Variants in ANAPC10 observed in about 807,000 individuals in gnomAD.
ANAPC10 encodes the protein anaphase-promoting complex subunit 10.
ANAPC10 carries 12 observed loss-of-function variants against 22.0 expected under a neutral mutation model. The ratio of observed to expected loss-of-function variants is 0.55; its 90% CI spans 0.35 to 0.88. The LOEUF (loss-of-function observed/expected upper bound fraction) is 0.88. Among genes scored for constraint, ANAPC10 ranks in the 40% least tolerant of loss-of-function variants. ANAPC10 has a pLI of 0.01. For missense variants in ANAPC10, 188 were observed against 220.9 expected (o/e 0.85, Z 0.94); for synonymous variants, 65 against 69.5 (o/e 0.94, Z 0.32).
chr4:145,009,342 C>A (rs926610324), intron 4 of ANAPC10, among the ~76,000 whole-genome samples: 1 of 152,086 alleles, frequency 6.6e-6, no homozygotes, highest in South Asian at 2.1e-4. Context: ...CTTTAAAGTT[C>A]ATATGGAACC....
intron 4 of ANAPC10, among the ~76,000 whole-genome samples, chr4:145,050,965 G>A (rs1741018413): frequency 6.6e-6 from 1 of 152,164 alleles, no homozygotes; most frequent in Non-Finnish European, 1.5e-5. Flanking sequence ...ATTTCCGTCA[G>A]GAACTTTTCC....
intron 4 of ANAPC10, among the ~76,000 whole-genome samples, chr4:144,998,879 TAAA>T (rs928496512): frequency 1.3e-5 from 2 of 151,522 alleles, no homozygotes; most frequent in African/African-American, 4.9e-5. Flanking sequence ...GCAACACTAA[TAAA>T]GAAGAAAAGA....
chr4:145,026,798 C>A (rs1411482037), intron 4 of ANAPC10, among the ~76,000 whole-genome samples: 1 of 149,576 alleles, frequency 6.7e-6, no homozygotes, highest in African/African-American at 2.5e-5. Context: ...CATTAATATC[C>A]TCAGTGATAT....
chr4:145,071,649 T>C (rs980176668), intron 3 of ANAPC10, among the ~76,000 whole-genome samples: 2 of 152,144 alleles, frequency 1.3e-5, no homozygotes, highest in Non-Finnish European at 2.9e-5. Flanking sequence ...AAAGGGAACT[T>C]TATAACCTGA....
intron 4 of ANAPC10, among the ~76,000 whole-genome samples, chr4:145,051,492 T>C (rs1290695043): frequency 6.6e-6 from 1 of 152,304 alleles, no homozygotes; most frequent in South Asian, 2.1e-4. Context: ...GCCAATAGAC[T>C]TCCTTGACAC....
At chr4:145,019,651 A>T (rs1735696423) in intron 4 of ANAPC10, among the ~76,000 whole-genome samples, 1 of 152,190 alleles carries the variant, frequency 6.6e-6, no homozygotes, top group Non-Finnish European at 1.5e-5. Context: ...TGAAACAAAA[A>T]GCTGCTTGTT....
At chr4:145,016,106 G>A (rs1735084476) in intron 4 of ANAPC10, among the ~76,000 whole-genome samples, 1 of 152,148 alleles carries the variant, frequency 6.6e-6, no homozygotes, top group Admixed American at 6.5e-5. Flanking sequence ...CATAGTGTTG[G>A]AAGTTCTGGC....
chr4:145,001,624 A>T (rs918432322), intron 4 of ANAPC10, among the ~76,000 whole-genome samples: 10 of 152,200 alleles, frequency 6.6e-5, no homozygotes, highest in African/African-American at 2.4e-4. Flanking sequence ...CTGCCAACCC[A>T]AAGACTGCCA....
chr4:145,014,542 G>A (rs548118656), intron 4 of ANAPC10, among the ~76,000 whole-genome samples: 3 of 152,066 alleles, frequency 2.0e-5, no homozygotes, highest in African/African-American at 4.8e-5. Context: ...TCTCTTGGGA[G>A]TTCTAGGCCC....
At chr4:145,065,513 A>G (rs1743547650) in intron 3 of ANAPC10, among the ~76,000 whole-genome samples, 1 of 152,054 alleles carries the variant, frequency 6.6e-6, no homozygotes, top group Non-Finnish European at 1.5e-5. Context: ...AGAATGCATT[A>G]AAATACAGTA....
chr4:145,002,588 C>G (rs1013666414), intron 4 of ANAPC10, among the ~76,000 whole-genome samples: 1 of 152,058 alleles, frequency 6.6e-6, no homozygotes, highest in Non-Finnish European at 1.5e-5. Context: ...AAAAGAACAA[C>G]TAGATAGAGT....
At chr4:145,076,455 A>G (rs1222911491) in intron 3 of ANAPC10, among the ~76,000 whole-genome samples, 1 of 152,234 alleles carries the variant, frequency 6.6e-6, no homozygotes, top group East Asian at 1.9e-4. Flanking sequence ...TCTAAAGGAC[A>G]GCAACTTCAA....
At chr4:145,032,274 C>G (rs779218054) in intron 4 of ANAPC10, among the ~76,000 whole-genome samples, 1 of 152,212 alleles carries the variant, frequency 6.6e-6, no homozygotes, top group East Asian at 1.9e-4. Context: ...GGCAGAACTT[C>G]GAGCAGTGCA....
chr4:145,097,436 T>TA, intron 1 of ANAPC10: 2 of 1,254,790 alleles, frequency 1.6e-6, no homozygotes, highest in African/African-American at 3.1e-5. Context: ...GTAGCGCAGT[T>TA]ACTGCTACTG....
chr4:145,036,766 C>CA (rs1471743416), intron 4 of ANAPC10, among the ~76,000 whole-genome samples: 1 of 151,652 alleles, frequency 6.6e-6, no homozygotes, highest in Non-Finnish European at 1.5e-5. Context: ...GTTAGCAAAA[C>CA]AAAAAAAGAA....
Position 145,058,418 on chromosome 4 carries a change from T to TATTGTGTTTTTAAACACAATATTCC in ANAPC10, c.327+6153_327+6154insGGAATATTGTGTTTAAAAACACAAT, listed in dbSNP as rs35182592. ...CTGGGCTTTAAAAACCACAAAACAA[T>TATTGTGTTTTTAAACACAATATTCC]ATTGTGTTCCCATAGCCACCTCCAG... On this transcript the variant is annotated intron_variant, in intron 4 of 4. Transcript: ENST00000507656. Among the ~76,000 whole-genome samples the TATTGTGTTTTTAAACACAATATTCC allele has an allele frequency of 4.4e-3, 665 of 152,238 alleles. 3 individuals are homozygous for TATTGTGTTTTTAAACACAATATTCC. The highest frequency in any genetic ancestry group is 0.015 in the African/African-American group (611 of 41,552).
chr4:145,044,120 T>C (rs1254418896), intron 4 of ANAPC10, among the ~76,000 whole-genome samples: 1 of 151,982 alleles, frequency 6.6e-6, no homozygotes, highest in Non-Finnish European at 1.5e-5. Flanking sequence ...AAACAAAAAA[T>C]AGATTCAAGG....
At chr4:145,034,523 T>TTATATATATATATATATATATATATATA (rs370113295) in intron 4 of ANAPC10, among the ~76,000 whole-genome samples, 9 of 91,808 alleles carry the variant, frequency 9.8e-5, no homozygotes, top group African/African-American at 5.4e-4. Context: ...AAACTCTCCT[T>TTATATATATATATATATATATATATATA]TATATATATA....
At position 145,054,646 on chromosome 4, in the gene ANAPC10, C is replaced by CGT. The variant is rs1560884590; in HGVS notation, c.327+9925_327+9926insAC. Among the ~76,000 whole-genome samples, 18 of 141,870 alleles carry CGT rather than the reference C, an allele frequency of 1.3e-4. No individual in the cohort carries two copies. In the East Asian group the frequency reaches 1.9e-3, roughly 15 times the overall value. 93.1% of individuals were successfully genotyped at this position (141,870 alleles called of 152,430 possible). A position where few individuals can be genotyped will look rare whatever the true frequency, so the allele number is the denominator to read the frequency against. ...GTGTGTGTGTGTGTGTGTGTGCGCG[C>CGT]GCGCGCGCGTGCGTGCAGCGCATGT... is the stretch of plus-strand genomic sequence containing the variant. On this transcript the variant is annotated intron_variant, in intron 4 of 4. Transcript: ENST00000507656.
Sources: allele counts gnomAD v4.1 joint callset (sites outside exome capture counted in the v4.1 genomes callset), GRCh38; gene constraint gnomAD v4.1.1; transcripts MANE v1.5; gene names NCBI Gene and HGNC (gene_info 2026-07-23, HGNC 2026-07-21).